STKLD1: variants seen among roughly 807,000 people sequenced by gnomAD.
STKLD1 encodes serine/threonine kinase like domain containing 1.
STKLD1 carries 79 observed loss-of-function variants against 80.4 expected under a neutral mutation model. The observed-to-expected ratio is 0.98, with a 90% confidence interval of 0.82 to 1.19. STKLD1 has a LOEUF of 1.19. Among genes scored for constraint, STKLD1 ranks in the 50% most tolerant of loss-of-function variants. The pLI, the probability that STKLD1 is intolerant of heterozygous loss-of-function variation, is 0.00. For missense variants in STKLD1, 841 were observed against 856.0 expected, an observed-to-expected ratio of 0.98 and a Z score of 0.22; for synonymous variants, 393 against 357.6, an observed-to-expected ratio of 1.10 and a Z score of -1.12.
In STKLD1 at chr9:133,387,364, C is replaced by T. The variant is rs1455970227; in HGVS notation, c.295-83C>T. ...ACGGCCACTGCAAATGGCAGCTGAG[C>T]GCAGGGAGGCCCTGGAGCAGGTGAG... On this transcript the variant is annotated intron_variant, in intron 4 of 17. Coordinates refer to ENST00000371957, the MANE Select transcript of STKLD1 (RefSeq NM_153710.5). The T allele has an allele frequency of 6.4e-5, 71 of 1,106,550 alleles. 1 individual carries two copies. In the East Asian group the frequency reaches 1.5e-3, roughly 23 times the overall value. The allele number at this position is 1,106,550 out of a possible 1,614,324, so 68.5% of individuals were successfully genotyped here.
rs1054815323 is a variant in STKLD1, at chr9:133,395,586, C to T, written c.703-14C>T. 2 of 1,612,014 alleles carry T rather than the reference C, an allele frequency of 1.2e-6. No homozygotes were observed. The highest frequency in any genetic ancestry group is 2.7e-5 in the African/African-American group (2 of 74,890). On this transcript the variant is annotated splice_polypyrimidine_tract_variant and intron_variant, in intron 8 of 17. Coordinates refer to ENST00000371957, the MANE Select transcript of STKLD1 (RefSeq NM_153710.5). ...ACTTAAGGGAATACACAGAGCTGTCCTCTCTCCGTGCAGGGCACAGAAGCC... is the reference window on the plus strand; with the variant it reads ...ACTTAAGGGAATACACAGAGCTGTCTTCTCTCCGTGCAGGGCACAGAAGCC...
intron 11 of STKLD1, among the ~76,000 whole-genome samples, chr9:133,399,458 G>A (rs1164321172): frequency 1.3e-5 from 2 of 152,204 alleles, no homozygotes; most frequent in Non-Finnish European, 2.9e-5. Flanking sequence ...CTGTGACCAG[G>A]ACAGAGTCCC....
intron 5 of STKLD1, 147 bp downstream of exon 5, chr9:133,387,695 T>C (rs1046552804): frequency 2.8e-6 from 2 of 714,930 alleles, no homozygotes; most frequent in Admixed American, 2.0e-5. Flanking sequence ...GGCATTGCAC[T>C]CTAGGTAATG....
rs1838242561 is a variant in STKLD1, at chr9:133,385,443, CCCACAT to C, written c.220-172_220-167del. Among the ~76,000 whole-genome samples, 1 of 152,220 alleles carries C rather than the reference CCCACAT, an allele frequency of 6.6e-6. No homozygotes were observed. Among genetic ancestry groups the C allele is most frequent in the Admixed American group, 6.5e-5 (1 of 15,284 alleles). On this transcript the variant is annotated intron_variant, in intron 3 of 17. Transcript: ENST00000371957. The surrounding 1 kb of genome is among the most constrained non-coding windows in gnomAD (Gnocchi z 4.9). ...CAGCCAGCTCATGCTGGAGACAGGA[CCCACAT>C]CGGACTGCCTGGCTCCCAACCACCG...
In STKLD1 at chr9:133,384,259, G is replaced by T; in HGVS notation, c.219+359G>T. Reference sequence around the variant, plus strand: ...TTCAAGACCAGCCTAGCCAACATGGGGAAACCCTGTCTCAACCAAAAATAC... The same window carrying T: ...TTCAAGACCAGCCTAGCCAACATGGTGAAACCCTGTCTCAACCAAAAATAC... On this transcript the variant is annotated intron_variant, in intron 3 of 17. Transcript: ENST00000371957. This position sits in a 1 kb window ranked among gnomAD's most constrained non-coding sequence, Gnocchi z 4.3. The T allele has an allele frequency of 5.0e-6, 1 of 198,912 alleles. No individual in the cohort carries two copies. Among genetic ancestry groups the T allele is most frequent in the Non-Finnish European group, 1.0e-5 (1 of 95,696 alleles). The allele number at this position is 198,912 out of a possible 1,614,324, so 12.3% of individuals were successfully genotyped here.
rs2130287350 is a variant in STKLD1, at chr9:133,390,788, C to T, written c.575C>T (p.Ala192Val). 90 of 1,613,308 alleles carry T rather than the reference C, an allele frequency of 5.6e-5. 1 individual carries two copies. The highest frequency in any genetic ancestry group is 2.7e-4 in the South Asian group (25 of 91,058). ...GACAAAGCCAAATGGAATATTCGTG[C>T]GGAGGAAGGTGGCAGGGGCTCCCCC... ...MTDKAKWNIR[A>V]EEDPFRKSWM... The change falls in exon 7 of 18, where the codon GCG (alanine) becomes GTG (valine). Residue 192 changes from alanine (A) to valine (V), a missense_variant. By Grantham distance (64) the Ala-to-Val change is moderately conservative. Transcript: ENST00000371957. The surrounding 1 kb of genome is among the most constrained non-coding windows in gnomAD (Gnocchi z 5.1).
rs1488161396 is a variant in STKLD1, at chr9:133,376,379, G to T, written c.-95G>T. 4.9e-6 allele frequency: 7 copies of T among 1,415,822 alleles called. No individual in the cohort carries two copies. Among genetic ancestry groups the T allele is most frequent in the Non-Finnish European group, 6.5e-6 (7 of 1,076,672 alleles). The allele number at this position is 1,415,822 out of a possible 1,614,324, so 87.7% of individuals were successfully genotyped here. A position where few individuals can be genotyped will look rare whatever the true frequency, so the allele number is the denominator to read the frequency against. ...GGAGGGACGCCTGAGTGCCTCGAGGGCGCCGTTCGGGCGGGGAGGATCCCG... is the reference window on the plus strand; with the variant it reads ...GGAGGGACGCCTGAGTGCCTCGAGGTCGCCGTTCGGGCGGGGAGGATCCCG... On this transcript the variant is annotated 5_prime_UTR_variant, in exon 1 of 18. Transcript: ENST00000371957.
Position 133,404,822 on chromosome 9 carries a change from A to C in STKLD1, c.1766A>C (p.Glu589Ala). The part of the protein sequence containing the change: ...LAAFKVVVQE[E>A]GGSGLSLIKE... ...GCCTTCAAGGTGGTGGTGCAGGAGG[A>C]GGGCGGCAGTGGCCTCAGCCTCATC... Residue 589 changes from glutamate (E) to alanine (A), a missense_variant, in exon 17 of 18, where the codon GAG becomes GCG. Transcript: ENST00000371957. The C allele has an allele frequency of 6.2e-7, 1 of 1,613,220 alleles. No homozygotes were observed. Among genetic ancestry groups the C allele is most frequent in the Non-Finnish European group, 8.5e-7 (1 of 1,179,784 alleles).
intron 11 of STKLD1, among the ~76,000 whole-genome samples, chr9:133,399,428 C>T (rs28625799): frequency 0.12 from 17,912 of 152,204 alleles, 1,395 homozygotes; most frequent in African/African-American, 0.22. Context: ...TCCTCCTCTT[C>T]GACCCCTTTT....
At position 133,376,534 on chromosome 9, in the gene STKLD1, C is replaced by G; in HGVS notation, c.61C>G (p.Pro21Ala). The G allele has an allele frequency of 6.2e-7, 1 of 1,600,382 alleles. No homozygotes were observed. The highest frequency in any genetic ancestry group is 8.5e-7 in the Non-Finnish European group (1 of 1,175,226). The part of the protein sequence containing the change: ...PTQGERGPGS[P>A]GEPMEKYQVL... Reference sequence around the variant, plus strand: ...GCAGGGGGAGCGAGGCCCAGGGTCCCCCGGAGAGCCCATGGAGAAGTACCA... The same window carrying G: ...GCAGGGGGAGCGAGGCCCAGGGTCCGCCGGAGAGCCCATGGAGAAGTACCA... The change falls in exon 1 of 18, where the codon CCC becomes GCC. Residue 21 changes from proline (P) to alanine (A), a missense_variant. By Grantham distance (27) the Pro-to-Ala change is conservative. Coordinates refer to ENST00000371957, the MANE Select transcript of STKLD1 (RefSeq NM_153710.5).
chr9:133,403,610 C>A, intron 14 of STKLD1, 90 bp from the exon 15 acceptor site: 1 of 1,504,348 alleles, frequency 6.6e-7, no homozygotes, highest in Non-Finnish European at 9.0e-7. Flanking sequence ...TTGTCGTTAG[C>A]TGGAGGAAGG....
chr9:133,389,293 C>T lies in STKLD1; in HGVS notation c.397-233C>T, dbSNP rs1188184564. 1.4e-5 allele frequency: 14 copies of T among 985,180 alleles called. No homozygotes were observed. The highest frequency in any genetic ancestry group is 1.7e-5 in the Non-Finnish European group (14 of 829,900). 61.0% of individuals were successfully genotyped at this position (985,180 alleles called of 1,614,324 possible). On this transcript the variant is annotated intron_variant, in intron 5 of 17. Coordinates refer to ENST00000371957, the MANE Select transcript of STKLD1 (RefSeq NM_153710.5). This position sits in a 1 kb window ranked among gnomAD's most constrained non-coding sequence, Gnocchi z 6.4. ...GCACCCAGGGTCTCTGGTATGGAGA[C>T]AGCAGTGTGGAGTCTGGAAACTCAG... is the stretch of plus-strand genomic sequence containing the variant.
rs1431882603 is a variant in STKLD1 at position 133,390,262 on chromosome 9, C to T, written c.468-419C>T. On this transcript the variant is annotated intron_variant, in intron 6 of 17. Transcript: ENST00000371957. The surrounding 1 kb of genome is among the most constrained non-coding windows in gnomAD (Gnocchi z 5.1). ...ACACACACACACACACCACGCAGAC[C>T]ATACGTACAAAGGGAATGCTCACAT... Among the ~76,000 whole-genome samples, 1 of 148,682 alleles carries T rather than the reference C, an allele frequency of 6.7e-6. No individual in the cohort carries two copies. The highest frequency in any genetic ancestry group is 2.0e-4 in the East Asian group (1 of 5,056).
intron 8 of STKLD1, 86 bp from the exon 9 acceptor site, chr9:133,395,514 T>G (rs914053546): frequency 1.0e-5 from 15 of 1,444,772 alleles, no homozygotes; most frequent in South Asian, 4.1e-5. Flanking sequence ...CCTGGATTTC[T>G]TGGTCCCTGG....
At position 133,403,378 on chromosome 9, in the gene STKLD1, G is replaced by T. The variant is rs587652934; in HGVS notation, c.1475-322G>T. ...GGATGCCCTGTTTGTTTTGATTTTTGATTCACAGTAGGGGGCCCCCTGGCC... is the reference window on the plus strand; with the variant it reads ...GGATGCCCTGTTTGTTTTGATTTTTTATTCACAGTAGGGGGCCCCCTGGCC... On this transcript the variant is annotated intron_variant, in intron 14 of 17. Transcript: ENST00000371957. 2.4e-3 allele frequency among the ~76,000 whole-genome samples: 359 copies of T among 152,234 alleles called. 2 individuals carry two copies. The highest frequency in any genetic ancestry group is 1.4e-3 in the Non-Finnish European group (95 of 68,006).
chr9:133,391,424 G>C (rs11507293), intron 7 of STKLD1, among the ~76,000 whole-genome samples: 15,164 of 147,796 alleles, frequency 0.1, 920 homozygotes, highest in African/African-American at 0.2. Context: ...GAATAGAAAA[G>C]GGGGAAAGGT....
Position 133,394,747 on chromosome 9 carries a change from C to T in STKLD1, c.702+338C>T. 2 of 306,406 alleles carry T rather than the reference C, an allele frequency of 6.5e-6. No homozygotes were observed. Among genetic ancestry groups the T allele is most frequent in the South Asian group, 4.5e-5 (1 of 22,136 alleles). The allele number at this position is 306,406 out of a possible 1,614,324, so 19.0% of individuals were successfully genotyped here. A position where few individuals can be genotyped will look rare whatever the true frequency, so the allele number is the denominator to read the frequency against. ...TGAGCATGAAGGCTGCACGGAGTTG[C>T]AAGCAACGGGAACCCAGTGTGGGCC... On this transcript the variant is annotated intron_variant, in intron 8 of 17. Transcript: ENST00000371957. This position sits in a 1 kb window ranked among gnomAD's most constrained non-coding sequence, Gnocchi z 4.9.
intron 10 of STKLD1, 136 bp from the exon 11 acceptor site, chr9:133,397,836 C>T: frequency 1.5e-6 from 1 of 667,590 alleles, no homozygotes; most frequent in East Asian, 2.8e-5. Context: ...GGTAACAGCC[C>T]CTCCCTCTCA....
chr9:133,404,872 G>T lies in STKLD1; in HGVS notation c.1816G>T (p.Asp606Tyr), dbSNP rs781836136. The change falls in exon 17 of 18, where the codon GAC (aspartate) becomes TAC (tyrosine). Residue 606 changes from aspartate (D) to tyrosine (Y), a missense_variant. Physicochemically the swap from Asp to Tyr is radical, Grantham distance 160. Transcript: ENST00000371957. ...CAAGGAGACCTACCAGCTCCACAGGGACGACCCGGAGGTGGTGGAGAACGT... is the reference window on the plus strand; with the variant it reads ...CAAGGAGACCTACCAGCTCCACAGGTACGACCCGGAGGTGGTGGAGAACGT... Reference protein sequence around the residue: ...LIKETYQLHRDDPEVVENVGM... With the variant: ...LIKETYQLHRYDPEVVENVGM... 1 of 1,613,278 alleles carries T rather than the reference G, an allele frequency of 6.2e-7. No homozygotes were observed. The highest frequency in any genetic ancestry group is 1.1e-5 in the South Asian group (1 of 91,054).
Sources: allele counts gnomAD v4.1 joint callset (sites outside exome capture counted in the v4.1 genomes callset), GRCh38; gene constraint gnomAD v4.1.1; non-coding constraint Gnocchi (gnomAD v3.1); transcripts MANE v1.5; gene names NCBI Gene and HGNC (gene_info 2026-07-23, HGNC 2026-07-21).